The following TMEM196 variants were observed in gnomAD, a reference collection of about 807,000 sequenced individuals.
TMEM196 encodes the protein transmembrane protein 196.
TMEM196 carries 17 observed loss-of-function variants against 20.0 expected under a neutral mutation model. The ratio of observed to expected loss-of-function variants is 0.85; its 90% confidence interval spans 0.58 to 1.27. The LOEUF (loss-of-function observed/expected upper bound fraction) is 1.27, where lower values mean the gene tolerates loss of function less well. Among genes scored for constraint, TMEM196 ranks in the 50% most tolerant of loss-of-function variants. TMEM196 has a pLI of 0.00. For missense variants in TMEM196, 267 were observed against 223.0 expected (o/e 1.20, Z -1.26); for synonymous variants, 113 against 88.9 (o/e 1.27, Z -1.52).
chr7:19,763,864 T>C (rs7798760), intron 1 of TMEM196, among the ~76,000 whole-genome samples: 24,507 of 152,006 alleles, frequency 0.16, 2,456 homozygotes, highest in East Asian at 0.45. Context: ...GTGATAGTAT[T>C]TCTGTTTTGC....
chr7:19,724,469 T>C (rs1783921615), intron 3 of TMEM196, 116 bp from the exon 4 acceptor site: 2 of 871,346 alleles, frequency 2.3e-6, no homozygotes, highest in Non-Finnish European at 3.5e-6. Context: ...ACATATAAAA[T>C]GGTCATCTAT....
At chr7:19,749,673 G>T (rs1234434790) in intron 1 of TMEM196, among the ~76,000 whole-genome samples, 1 of 152,162 alleles carries the variant, frequency 6.6e-6, no homozygotes, top group East Asian at 1.9e-4. Context: ...AAGGCCTTTT[G>T]TAAGTTAGCC....
chr7:19,732,989 T>C (rs1784267687), intron 1 of TMEM196, among the ~76,000 whole-genome samples: 1 of 152,180 alleles, frequency 6.6e-6, no homozygotes, highest in South Asian at 2.1e-4. Context: ...GCCTGAACCA[T>C]GAGAAAATAT....
Position 19,767,854 on chromosome 7 carries a change from CTTTAT to C in TMEM196, c.147+4691_147+4695del, listed in dbSNP as rs933853790. On this transcript the variant is annotated intron_variant, in intron 1 of 4. Transcript: ENST00000405844. ...TGCAGTAACTGAGAGGTTTCTTTCA[CTTTAT>C]TTTATTTCTTTTTTATTAAATATAT... Among the ~76,000 whole-genome samples the C allele has an allele frequency of 1.4e-4, 22 of 151,950 alleles. No individual in the cohort carries two copies. In the South Asian group the frequency reaches 1.9e-3, roughly 13 times the overall value.
intron 2 of TMEM196, among the ~76,000 whole-genome samples, chr7:19,728,100 G>A (rs1268524749): frequency 6.6e-6 from 1 of 152,044 alleles, no homozygotes; most frequent in Non-Finnish European, 1.5e-5. Flanking sequence ...ATAAGAGAAA[G>A]ACAGAGAAGT....
intron 1 of TMEM196, among the ~76,000 whole-genome samples, chr7:19,750,573 AGTGGTCCTCTG>A (rs1583445022): frequency 6.6e-6 from 1 of 152,198 alleles, no homozygotes; most frequent in East Asian, 1.9e-4. Context: ...ACTTTTAAGC[AGTGGTCCTCTG>A]GTGCTTTACC....
chr7:19,751,086 T>C (rs1006542337), intron 1 of TMEM196, among the ~76,000 whole-genome samples: 12 of 152,214 alleles, frequency 7.9e-5, no homozygotes, highest in Non-Finnish European at 1.6e-4. Flanking sequence ...AATAGGAAGA[T>C]GCAGAATGGC....
rs1168079433 is a variant in TMEM196 at position 19,721,029 on chromosome 7, T to C, written c.*1099A>G. 2 of 151,954 alleles carry C rather than the reference T, an allele frequency of 1.3e-5. No homozygotes were observed. Among genetic ancestry groups the C allele is most frequent in the South Asian group, 4.1e-4 (2 of 4,838 alleles). The allele number at this position is 151,954 out of a possible 1,614,324, so 9.4% of individuals were successfully genotyped here. A position where few individuals can be genotyped will look rare whatever the true frequency, so the allele number is the denominator to read the frequency against. ...ATTAATTTTAATTGCTATACATAAA[T>C]ACTATAATCATAGTGAAATAGTCAA... On this transcript the variant is annotated 3_prime_UTR_variant, in exon 5 of 5. Transcript: ENST00000405844.
intron 1 of TMEM196, among the ~76,000 whole-genome samples, chr7:19,757,157 C>G (rs934120645): frequency 6.7e-6 from 1 of 148,196 alleles, no homozygotes; most frequent in Non-Finnish European, 1.5e-5. Context: ...AAACTTGCAT[C>G]TTATATTGCA....
chr7:19,723,364 G>C (rs900191783), intron 4 of TMEM196, among the ~76,000 whole-genome samples: 5 of 151,952 alleles, frequency 3.3e-5, no homozygotes, highest in African/African-American at 1.2e-4. Context: ...CCCGTTAGGT[G>C]CCTTTTCTCC....
intron 1 of TMEM196, among the ~76,000 whole-genome samples, chr7:19,730,531 C>T (rs1230734176): frequency 6.6e-6 from 1 of 152,160 alleles, no homozygotes; most frequent in Non-Finnish European, 1.5e-5. Flanking sequence ...CACTAAAGGA[C>T]TTCAGATTTG....
chr7:19,759,165 T>A (rs1785331323), intron 1 of TMEM196, among the ~76,000 whole-genome samples: 1 of 152,128 alleles, frequency 6.6e-6, no homozygotes, highest in Non-Finnish European at 1.5e-5. Context: ...AATGTCTAGA[T>A]TCTCAATTCT....
At chr7:19,760,927 C>T (rs1171830509) in intron 1 of TMEM196, among the ~76,000 whole-genome samples, 3 of 152,170 alleles carry the variant, frequency 2.0e-5, no homozygotes, top group African/African-American at 2.4e-5. Context: ...CCTGGAGTCC[C>T]GCAGAGCTTT....
intron 1 of TMEM196, among the ~76,000 whole-genome samples, chr7:19,769,640 C>G (rs952191057): frequency 6.6e-6 from 1 of 152,044 alleles, no homozygotes; most frequent in African/African-American, 2.4e-5. Flanking sequence ...ACAATCAGCC[C>G]TTTATATTCC....
chr7:19,753,539 G>A (rs895069609), intron 1 of TMEM196, among the ~76,000 whole-genome samples: 10 of 152,018 alleles, frequency 6.6e-5, no homozygotes, highest in African/African-American at 2.2e-4. Context: ...AATTTTTCAC[G>A]TAATTCCATT....
chr7:19,729,519 C>T, intron 1 of TMEM196, 81 bp from the exon 2 acceptor site: 1 of 1,266,058 alleles, frequency 7.9e-7, no homozygotes, highest in Non-Finnish European at 1.1e-6. Context: ...TCACTCATGA[C>T]ACTTTCTCCA....
At chr7:19,764,302 C>T (rs714238) in intron 1 of TMEM196, among the ~76,000 whole-genome samples, 32,279 of 152,164 alleles carry the variant, frequency 0.21, 4,130 homozygotes, top group East Asian at 0.47. Flanking sequence ...TTCTGCCCTG[C>T]AGAGCTCTCC....
In TMEM196 at chr7:19,730,160, G is replaced by C. The variant is rs1784149424; in HGVS notation, c.148-722C>G. On this transcript the variant is annotated intron_variant, in intron 1 of 4. Transcript: ENST00000405844. ...GATCCCAGCTATTCCGGAGGCTGAG[G>C]CAGGAGAATGGCGTGAACCTGGGAG... is the stretch of plus-strand genomic sequence containing the variant. Among the ~76,000 whole-genome samples, 3 of 152,098 alleles carry C rather than the reference G, an allele frequency of 2.0e-5. No individual in the cohort carries two copies. The South Asian group carries it at 6.2e-4, about 32-fold the overall frequency.
intron 1 of TMEM196, among the ~76,000 whole-genome samples, chr7:19,764,598 G>A (rs144646537): frequency 8.7e-4 from 133 of 152,282 alleles, no homozygotes; most frequent in Middle Eastern, 3.4e-3. Context: ...TGAAGAGAAA[G>A]TGATCTCTTG....
Sources: gnomAD v4.1 joint callset for allele counts (sites outside exome capture counted in the v4.1 genomes callset) on GRCh38, gnomAD v4.1.1 for gene constraint, MANE v1.5 for transcripts, NCBI Gene and HGNC (gene_info 2026-07-23, HGNC 2026-07-21) for gene names.